The following MNT variants were observed in gnomAD, a reference collection of about 807,000 sequenced individuals.
The protein encoded by MNT is max-binding protein MNT.
MNT carries 13 observed loss-of-function variants against 40.7 expected under a neutral mutation model. The observed-to-expected ratio is 0.32, with a 90% CI of 0.21 to 0.51. The LOEUF (loss-of-function observed/expected upper bound fraction) is 0.51, where lower values mean the gene tolerates loss of function less well. Ranked by LOEUF, MNT falls within the 20% of genes least tolerant of loss-of-function variation. The probability of loss-of-function intolerance (pLI) is 0.98; values close to 1 mark genes in which losing one functional copy is unlikely to be tolerated. For synonymous variants in MNT, 426 were observed against 354.8 expected (o/e 1.20, Z -2.26); for missense variants, 757 against 792.0 (o/e 0.96, Z 0.53).
At chr17:2,390,154 G>A (rs2066501785) in intron 4 of MNT, 1 of 152,238 alleles carries the variant, frequency 6.6e-6, no homozygotes. Context: ...TTAGATCCCA[G>A]AGCCCACAGG....
At chr17:2,394,628 C>T (rs1027053753) in intron 2 of MNT, among the ~76,000 whole-genome samples, 1 of 152,162 alleles carries the variant, frequency 6.6e-6, no homozygotes, top group Non-Finnish European at 1.5e-5. Context: ...ACCCAAGAGG[C>T]CCATACTCTG....
intron 1 of MNT, among the ~76,000 whole-genome samples, chr17:2,395,812 C>T (rs867836640): frequency 6.6e-5 from 10 of 151,512 alleles, no homozygotes; most frequent in African/African-American, 2.2e-4. Flanking sequence ...AGGAGGAAGG[C>T]GGGTGAGGGC....
At chr17:2,393,964 G>C (rs893127107) in intron 4 of MNT, 79 bp downstream of exon 4, 3 of 949,662 alleles carry the variant, frequency 3.2e-6, no homozygotes, top group Non-Finnish European at 4.4e-6. Flanking sequence ...GCGTGAGGGC[G>C]GGGCGGGGCG....
chr17:2,394,964 G>A lies in MNT; in HGVS notation c.564C>T (p.Pro188=), dbSNP rs760396924. 4 of 1,607,538 alleles carry A rather than the reference G, an allele frequency of 2.5e-6. No homozygotes were observed. Among genetic ancestry groups the A allele is most frequent in the African/African-American group, 1.3e-5 (1 of 74,950 alleles). ...PHPGVQPQLA[P]QQPPPPTLGT... ...CCAGCGTGGGTGGGGGCGGCTGCTG[G>A]GGGGCCAGCTGAGGCTGGACTCCAG... The change falls in exon 2 of 6, where the codon CCC becomes CCT. Residue 188 remains proline, a synonymous_variant. Transcript: ENST00000174618.
chr17:2,387,822 A>AGGGCTGGGGGGCCAGCGTGG (rs769624449), intron 5 of MNT, 35 bp downstream of exon 5: 1 of 1,566,156 alleles, frequency 6.4e-7, no homozygotes, highest in Non-Finnish European at 8.6e-7. Flanking sequence ...GTAACATCTG[A>AGGGCTGGGGGGCCAGCGTGG]GGGCTGGGGG....
intron 4 of MNT, among the ~76,000 whole-genome samples, chr17:2,388,898 C>A (rs907598579): frequency 2.0e-5 from 3 of 152,204 alleles, no homozygotes; most frequent in South Asian, 2.1e-4. Context: ...GCAACGCCGA[C>A]ACGTGTCCTT....
At chr17:2,399,468 T>C (rs1269685935) in intron 1 of MNT, among the ~76,000 whole-genome samples, 4 of 152,274 alleles carry the variant, frequency 2.6e-5, no homozygotes, top group African/African-American at 9.6e-5. Context: ...TCTAAATGTC[T>C]CGTCGCCCTG....
chr17:2,385,702 ACAGAGG>A lies in MNT; in HGVS notation c.*1193_*1198del, dbSNP rs1377154241. 2 of 152,372 alleles carry A rather than the reference ACAGAGG, an allele frequency of 1.3e-5. No homozygotes were observed. Among genetic ancestry groups the A allele is most frequent in the Non-Finnish European group, 2.9e-5 (2 of 68,136 alleles). 9.4% of individuals were successfully genotyped at this position (152,372 alleles called of 1,614,324 possible). On this transcript the variant is annotated 3_prime_UTR_variant, in exon 6 of 6. Transcript: ENST00000174618. ...AGCAGGGTGTTGAGGGGATGGGAGG[ACAGAGG>A]CAAAGGGGCTGGAGCAGAAGCAGCA... is the stretch of plus-strand genomic sequence containing the variant.
chr17:2,390,052 A>T (rs2066500655), intron 4 of MNT: 1 of 152,138 alleles, frequency 6.6e-6, no homozygotes, highest in Non-Finnish European at 1.5e-5. Context: ...GCTCATACAA[A>T]GTCTCTCACA....
chr17:2,396,394 T>A (rs1324844977), intron 1 of MNT: 1 of 152,408 alleles, frequency 6.6e-6, no homozygotes, highest in Non-Finnish European at 1.5e-5. Flanking sequence ...CCGCTCAGCC[T>A]GAGACAATAC....
rs1225574651 is a variant in MNT at position 2,398,232 on chromosome 17, C to T, written c.73+2408G>A. Among the ~76,000 whole-genome samples, 5 of 152,276 alleles carry T rather than the reference C, an allele frequency of 3.3e-5. No individual in the cohort carries two copies. The East Asian group carries it at 7.7e-4, about 23-fold the overall frequency. ...AGGCAGAAGAGTTGCATCTGAGCCA[C>T]CTCTATGAACACTAGAAATGACCAG... On this transcript the variant is annotated intron_variant, in intron 1 of 5. Transcript: ENST00000174618.
chr17:2,391,477 T>A (rs1360939922), intron 4 of MNT: 1 of 152,296 alleles, frequency 6.6e-6, no homozygotes, highest in Non-Finnish European at 1.5e-5. Flanking sequence ...AGTCCAGTTC[T>A]TCACAGGCCT....
chr17:2,393,582 C>T (rs1427844575), intron 4 of MNT, among the ~76,000 whole-genome samples: 1 of 152,230 alleles, frequency 6.6e-6, no homozygotes, highest in Non-Finnish European at 1.5e-5. Context: ...TCGGCCCGCG[C>T]CGCAGCGTGG....
chr17:2,393,124 C>G (rs1202024375), intron 4 of MNT, among the ~76,000 whole-genome samples: 1 of 145,654 alleles, frequency 6.9e-6, no homozygotes, highest in Non-Finnish European at 1.5e-5. Context: ...CAGGGAGAGT[C>G]CCGGCTCGCC....
At chr17:2,390,957 G>C (rs1252978720) in intron 4 of MNT, 2 of 152,172 alleles carry the variant, frequency 1.3e-5, no homozygotes, top group African/African-American at 4.8e-5. Context: ...GAAGACAGTA[G>C]GAAACTCCCT....
At chr17:2,392,076 A>T (rs1258721799) in intron 4 of MNT, 1 of 152,212 alleles carries the variant, frequency 6.6e-6, no homozygotes, top group African/African-American at 2.4e-5. Context: ...CCTCAGGAAC[A>T]GCTATCCTCC....
chr17:2,400,100 T>A (rs1597423764), intron 1 of MNT, among the ~76,000 whole-genome samples: 1 of 151,566 alleles, frequency 6.6e-6, no homozygotes, highest in East Asian at 2.0e-4. Context: ...CCCCGCACCC[T>A]CCCCACGGGG....
In MNT at chr17:2,384,593, CGTGCGTGTGTGTGTGTGTGTGT is replaced by C. The variant is rs1339521512; in HGVS notation, c.*2286_*2307del. The stretch of plus-strand genomic sequence containing the variant: ...ATGAGAGGTAAGATGTGTGCGTGTG[CGTGCGTGTGTGTGTGTGTGTGT>C]GTGTGTGTGTGTCCCAGGCTGGAAG... On this transcript the variant is annotated 3_prime_UTR_variant, in exon 6 of 6. Coordinates refer to ENST00000174618, the MANE Select transcript of MNT (RefSeq NM_020310.3). The C allele has an allele frequency of 1.0e-5, 1 of 100,472 alleles. No individual in the cohort carries two copies. Among genetic ancestry groups the C allele is most frequent in the Non-Finnish European group, 2.1e-5 (1 of 46,904 alleles). The allele number at this position is 100,472 out of a possible 1,614,324, so 6.2% of individuals were successfully genotyped here. A position where few individuals can be genotyped will look rare whatever the true frequency, so the allele number is the denominator to read the frequency against.
chr17:2,387,430 G>A lies in MNT; in HGVS notation c.1220C>T (p.Thr407Ile), dbSNP rs754636674. Residue 407 changes from threonine (T) to isoleucine (I), a missense_variant, in exon 6 of 6, where the codon ACC becomes ATC. Thr to Ile is a moderately conservative substitution (Grantham distance 89). Around this residue, in one of 4 missense-constraint regions of MNT, gnomAD observed 345 missense variants for 380.1 expected, o/e 0.91. Coordinates refer to ENST00000174618, the MANE Select transcript of MNT (RefSeq NM_020310.3). Reference protein sequence around the residue: ...PVQQQQPQQKTPLPAPPPPPA... With the variant: ...PVQQQQPQQKIPLPAPPPPPA... ...TGGGGGAGGAGGGGCTGGCAGAGGG[G>A]TCTTCTGCTGTGGCTGCTGCTGCTG... The A allele has an allele frequency of 6.8e-6, 11 of 1,611,938 alleles. No homozygotes were observed. Among genetic ancestry groups the A allele is most frequent in the Non-Finnish European group, 7.6e-6 (9 of 1,178,908 alleles).
Sources: gnomAD v4.1 joint callset for allele counts (sites outside exome capture counted in the v4.1 genomes callset) on GRCh38, gnomAD v4.1.1 for gene constraint, gnomAD v4.1.1 regional missense constraint, MANE v1.5 for transcripts, NCBI Gene and HGNC (gene_info 2026-07-23, HGNC 2026-07-21) for gene names.